The following MAML3 variants were observed in gnomAD, a reference collection of about 807,000 sequenced individuals.
The protein encoded by MAML3 is mastermind-like protein 3.
MAML3 carries 27 observed loss-of-function variants against 101.9 expected under a neutral mutation model. That is an observed-to-expected ratio of 0.27 (90% confidence interval 0.20 to 0.37). The LOEUF is 0.37. Ranked by LOEUF, MAML3 falls within the 10% of genes least tolerant of loss-of-function variation. The pLI is 1.00. For synonymous variants in MAML3, 501 were observed against 555.9 expected (o/e 0.90, Z 1.39); for missense variants, 1,316 against 1,444.9 (o/e 0.91, Z 1.45).
chr4:139,861,807 T>C (rs1230387033), intron 2 of MAML3, among the ~76,000 whole-genome samples: 2 of 152,098 alleles, frequency 1.3e-5, no homozygotes, highest in African/African-American at 4.8e-5. Context: ...GTCTCTCCTT[T>C]TCTATAAGCC....
At chr4:139,967,744 C>T (rs552057790) in intron 1 of MAML3, among the ~76,000 whole-genome samples, 1 of 152,038 alleles carries the variant, frequency 6.6e-6, no homozygotes, top group African/African-American at 2.4e-5. Flanking sequence ...TTTCAAACGC[C>T]TGGACAAAGG....
intron 1 of MAML3, among the ~76,000 whole-genome samples, chr4:139,975,724 A>G (rs1330719237): frequency 6.6e-6 from 1 of 152,176 alleles, no homozygotes; most frequent in African/African-American, 2.4e-5. Flanking sequence ...TATAATGAAA[A>G]AGGTGTGAAG....
intron 1 of MAML3, among the ~76,000 whole-genome samples, chr4:139,943,776 T>G (rs959332793): frequency 6.6e-6 from 1 of 152,086 alleles, no homozygotes; most frequent in Non-Finnish European, 1.5e-5. Context: ...ATACCACCTT[T>G]CTGATAACAC....
chr4:139,820,201 C>T (rs945100337), intron 2 of MAML3, among the ~76,000 whole-genome samples: 7 of 152,024 alleles, frequency 4.6e-5, no homozygotes, highest in African/African-American at 9.7e-5. Context: ...AACTGTGACC[C>T]GAATGTCATA....
intron 1 of MAML3, among the ~76,000 whole-genome samples, chr4:139,986,556 T>C (rs963767453): frequency 2.6e-5 from 4 of 152,098 alleles, no homozygotes; most frequent in Non-Finnish European, 4.4e-5. Flanking sequence ...CTTATTCCAA[T>C]CAACCTATCT....
intron 1 of MAML3, among the ~76,000 whole-genome samples, chr4:140,146,300 C>A (rs1729063650): frequency 6.6e-6 from 1 of 152,012 alleles, no homozygotes; most frequent in Admixed American, 6.6e-5. Context: ...TGCTTCTGTC[C>A]CAAATGGAGA....
At chr4:139,916,704 TTTA>T (rs1333832792) in intron 1 of MAML3, among the ~76,000 whole-genome samples, 1 of 152,244 alleles carries the variant, frequency 6.6e-6, no homozygotes, top group Non-Finnish European at 1.5e-5. Context: ...TCTATTTTTC[TTTA>T]TTAATAGCTT....
intron 1 of MAML3, among the ~76,000 whole-genome samples, chr4:139,912,671 A>G (rs1732946564): frequency 1.3e-5 from 2 of 152,246 alleles, no homozygotes; most frequent in Admixed American, 6.5e-5. Flanking sequence ...GAAAACACGA[A>G]GACATACAGG....
chr4:140,086,778 C>T (rs555743954), intron 1 of MAML3, among the ~76,000 whole-genome samples: 1 of 152,164 alleles, frequency 6.6e-6, no homozygotes, highest in South Asian at 2.1e-4. Context: ...TGTTTCTAAC[C>T]TGTCGTAGGA....
intron 1 of MAML3, among the ~76,000 whole-genome samples, chr4:140,129,965 CAA>C (rs546032082): frequency 1.3e-4 from 15 of 112,700 alleles, no homozygotes; most frequent in Admixed American, 1.9e-4. Flanking sequence ...AACTCCGTCT[CAA>C]AAAAAAAAAA....
At chr4:140,129,693 G>T (rs189266389) in intron 1 of MAML3, among the ~76,000 whole-genome samples, 1 of 152,126 alleles carries the variant, frequency 6.6e-6, no homozygotes, top group Non-Finnish European at 1.5e-5. Flanking sequence ...ACGGCCGGGC[G>T]CGGTGGCTCA....
chr4:139,883,229 A>G (rs934011201), intron 2 of MAML3, among the ~76,000 whole-genome samples: 1 of 152,182 alleles, frequency 6.6e-6, no homozygotes, highest in Non-Finnish European at 1.5e-5. Flanking sequence ...GAGAGGGAAA[A>G]GAAAAGGAAA....
intron 2 of MAML3, among the ~76,000 whole-genome samples, chr4:139,828,691 G>A (rs1731105317): frequency 6.7e-6 from 1 of 149,236 alleles, no homozygotes; most frequent in South Asian, 2.1e-4. Flanking sequence ...GGCAAGAGAA[G>A]GCTTTGCAGA....
chr4:140,057,899 T>C, intron 1 of MAML3, among the ~76,000 whole-genome samples: 1 of 152,244 alleles, frequency 6.6e-6, no homozygotes, highest in East Asian at 1.9e-4. Context: ...TCAAAGTGAC[T>C]CCATGCCTTG....
chr4:139,942,998 G>A (rs959156547), intron 1 of MAML3, among the ~76,000 whole-genome samples: 3 of 152,022 alleles, frequency 2.0e-5, no homozygotes, highest in African/African-American at 7.2e-5. Flanking sequence ...GAATGTTTTT[G>A]TTCAACAAAA....
chr4:140,117,964 A>G (rs1265259879), intron 1 of MAML3, among the ~76,000 whole-genome samples: 1 of 152,102 alleles, frequency 6.6e-6, no homozygotes, highest in African/African-American at 2.4e-5. Flanking sequence ...ATAACCACGC[A>G]TGGTAATATA....
chr4:140,129,969 A>G (rs1443060023), intron 1 of MAML3, among the ~76,000 whole-genome samples: 1 of 151,904 alleles, frequency 6.6e-6, no homozygotes, highest in Admixed American at 6.6e-5. Context: ...CCGTCTCAAA[A>G]AAAAAAAAAA....
intron 1 of MAML3, among the ~76,000 whole-genome samples, chr4:140,126,066 G>A (rs182060141): frequency 3.3e-5 from 5 of 151,876 alleles, no homozygotes; most frequent in East Asian, 3.9e-4. Flanking sequence ...GTAAGCCACC[G>A]CGCCTGGCCA....
At chr4:139,782,542 G>GAT (rs1266935271) in intron 2 of MAML3, among the ~76,000 whole-genome samples, 1 of 152,224 alleles carries the variant, frequency 6.6e-6, no homozygotes, top group African/African-American at 2.4e-5. Flanking sequence ...AGTGTTAGCT[G>GAT]ATATATATAT....
Sources: gnomAD v4.1 joint callset for allele counts (sites outside exome capture counted in the v4.1 genomes callset) on GRCh38, gnomAD v4.1.1 for gene constraint, MANE v1.5 for transcripts, NCBI Gene and HGNC (gene_info 2026-07-23, HGNC 2026-07-21) for gene names.